SELENON: variants seen among roughly 807,000 people sequenced by gnomAD.
SELENON encodes the protein selenoprotein N, 1.
In SELENON, 44 loss-of-function variants were observed where a neutral mutation model predicts 59.5. The ratio of observed to expected loss-of-function variants is 0.74; its 90% CI spans 0.58 to 0.95. The LOEUF (loss-of-function observed/expected upper bound fraction) is 0.95. Among genes scored for constraint, SELENON ranks in the 40% least tolerant of loss-of-function variants. SELENON has a pLI of 0.00. For synonymous variants in SELENON, 320 were observed against 305.6 expected, an observed-to-expected ratio of 1.05 and a Z score of -0.49; for missense variants, 674 against 721.4, an observed-to-expected ratio of 0.93 and a Z score of 0.75.
chr1:25,814,214 C>T, intron 12 of SELENON, 36 bp downstream of exon 11: 1 of 1,568,136 alleles, frequency 6.4e-7, no homozygotes, highest in South Asian at 1.1e-5. Context: ...AGGGCCCAGG[C>T]ACCTCGGGGC....
At chr1:25,813,698 C>A in intron 10 of SELENON, 183 bp from the exon 10 acceptor site, 1 of 656,122 alleles carries the variant, frequency 1.5e-6, no homozygotes, top group Non-Finnish European at 2.8e-6. Context: ...GCCCAGGATG[C>A]TGGTATATTA....
chr1:25,811,225 C>T (rs1310426789), intron 7 of SELENON, among the ~76,000 whole-genome samples: 1 of 152,212 alleles, frequency 6.6e-6, no homozygotes, highest in Non-Finnish European at 1.5e-5. Context: ...AGGGGCAGGG[C>T]TGGCGGATGG....
intron 3 of SELENON, among the ~76,000 whole-genome samples, chr1:25,803,269 C>T (rs2047875573): frequency 6.6e-6 from 1 of 152,176 alleles, no homozygotes; most frequent in South Asian, 2.1e-4. Flanking sequence ...GCTTGAGGTG[C>T]ACTTTTAATT....
At chr1:25,810,967 C>A (rs2047954163) in intron 7 of SELENON, among the ~76,000 whole-genome samples, 1 of 152,182 alleles carries the variant, frequency 6.6e-6, no homozygotes, top group African/African-American at 2.4e-5. Flanking sequence ...CTAGCTCTGC[C>A]CTCTGTGCCC....
rs184722957 is a variant in SELENON at position 25,816,847 on chromosome 1, C to T, written c.*1129C>T. ...CCATGATGGCTGAATCCGAAATCCT[C>T]GATGGGTCCAGCTTGATGTCTTTGC... is the stretch of plus-strand genomic sequence containing the variant. On this transcript the variant is annotated 3_prime_UTR_variant, in exon 13 of 13. Coordinates refer to ENST00000361547, the MANE Select transcript of SELENON (RefSeq NM_020451.3). The T allele has an allele frequency of 2.6e-5, 4 of 152,804 alleles. No individual in the cohort carries two copies. Among genetic ancestry groups the T allele is most frequent in the South Asian group, 2.1e-4 (1 of 4,828 alleles). The allele number at this position is 152,804 out of a possible 1,614,324, so 9.5% of individuals were successfully genotyped here.
At chr1:25,801,977 T>C (rs748706743) in intron 2 of SELENON, 2 of 245,230 alleles carry the variant, frequency 8.2e-6, no homozygotes, top group South Asian at 3.8e-5. Flanking sequence ...AGATTTCCAA[T>C]AGACAGCAGC....
At position 25,814,147 on chromosome 1, in the gene SELENON, A is replaced by C; in HGVS notation, c.1571A>C (p.Glu524Ala). The C allele has an allele frequency of 6.2e-7, 1 of 1,614,164 alleles. No homozygotes were observed. The highest frequency in any genetic ancestry group is 8.5e-7 in the Non-Finnish European group (1 of 1,180,004). Residue 524 changes from glutamate (E) to alanine (A), a missense_variant, in exon 12 of 13, where the codon GAG (glutamate) becomes GCG (alanine). Coordinates refer to ENST00000361547, the MANE Select transcript of SELENON (RefSeq NM_020451.3). ...CTGGAGAAGTACAGCTTCCCCGTGG[A>C]GATGATGATCTGCCTGCCCAATGGC...
intron 11 of SELENON, 33 bp from the exon 11 acceptor site, chr1:25,814,044 C>A (rs369112047): frequency 1.2e-6 from 2 of 1,609,194 alleles, no homozygotes; most frequent in Non-Finnish European, 1.7e-6. Flanking sequence ...TGGTGGGGGC[C>A]GCGGCATCAG....
At chr1:25,806,383 T>C (rs923708238) in intron 4 of SELENON, among the ~76,000 whole-genome samples, 1 of 152,044 alleles carries the variant, frequency 6.6e-6, no homozygotes, top group African/African-American at 2.4e-5. Context: ...ACGGGGCATG[T>C]GTAGAATGGG....
chr1:25,800,630 G>A (rs1037003722), intron 1 of SELENON, among the ~76,000 whole-genome samples: 1 of 152,038 alleles, frequency 6.6e-6, no homozygotes. Context: ...GCCAGTGTGG[G>A]GCTGGGACAG....
intron 4 of SELENON, 109 bp downstream of exon 3, chr1:25,805,384 GC>G (rs2047898459): frequency 6.8e-7 from 1 of 1,478,692 alleles, no homozygotes; most frequent in South Asian, 1.2e-5. Flanking sequence ...CTAGAGCCAG[GC>G]CCTGGAGGTC....
intron 2 of SELENON, 128 bp downstream of exon 2, chr1:25,801,288 C>G (rs2047859050): frequency 1.3e-6 from 1 of 762,780 alleles, no homozygotes; most frequent in African/African-American, 1.7e-5. Flanking sequence ...CCTCCCAGCT[C>G]TGACACTTTG....
At chr1:25,809,577 C>G in intron 6 of SELENON, 106 bp from the exon 6 acceptor site, 7 of 1,528,906 alleles carry the variant, frequency 4.6e-6, no homozygotes, top group Non-Finnish European at 6.3e-6. Context: ...CCATCCACCT[C>G]CACCCCCACA....
intron 1 of SELENON, 119 bp from the exon 2 acceptor site, chr1:25,800,924 C>T: frequency 2.4e-6 from 2 of 837,380 alleles, no homozygotes; most frequent in Non-Finnish European, 4.2e-6. Flanking sequence ...GACCGGGAGG[C>T]ACTGGGAGAG....
At position 25,814,169 on chromosome 1, in the gene SELENON, T is replaced by C; in HGVS notation, c.1593T>C (p.Asn531=). 5.6e-6 allele frequency: 9 copies of C among 1,613,656 alleles called. No homozygotes were observed. The highest frequency in any genetic ancestry group is 7.6e-6 in the Non-Finnish European group (9 of 1,179,732). ...TGGAGATGATGATCTGCCTGCCCAA[T>C]GGCACCGTGGTAGGCACCCCCACTC... Residue 531 remains asparagine (N), a synonymous_variant, in exon 12 of 13, where the codon AAT becomes AAC. Transcript: ENST00000361547.
chr1:25,812,599 ACACACACTTG>A, intron 9 of SELENON, 78 bp from the exon 9 acceptor site: 1 of 833,816 alleles, frequency 1.2e-6, no homozygotes, highest in Non-Finnish European at 1.9e-6. Context: ...ACACACACAC[ACACACACTTG>A]CACACACTAC....
intron 1 of SELENON, among the ~76,000 whole-genome samples, 175 bp from the exon 2 acceptor site, chr1:25,800,868 G>A (rs1399776395): frequency 1.3e-5 from 2 of 152,018 alleles, no homozygotes; most frequent in African/African-American, 2.4e-5. Flanking sequence ...GGACCAGGAG[G>A]GACTGGAGGC....
At chr1:25,802,201 GCTGGTCTCAAATTC>G (rs1364969245) in intron 3 of SELENON, 1 of 169,686 alleles carries the variant, frequency 5.9e-6, no homozygotes, top group Non-Finnish European at 1.3e-5. Flanking sequence ...CGTTGCCTAG[GCTGGTCTCAAATTC>G]CTGGGCTCAA....
Position 25,814,177 on chromosome 1 carries a change from T to C in SELENON, c.1601T>C (p.Val534Ala). ...ATGATCTGCCTGCCCAATGGCACCG[T>C]GGTAGGCACCCCCACTCAGACCCCA... is the stretch of plus-strand genomic sequence containing the variant. The change falls in exon 12 of 13, where the codon GTG becomes GCG. Residue 534 changes from valine to alanine, a missense_variant and splice_region_variant. Coordinates refer to ENST00000361547, the MANE Select transcript of SELENON (RefSeq NM_020451.3). The C allele has an allele frequency of 6.2e-7, 1 of 1,613,182 alleles. No individual in the cohort carries two copies. Among genetic ancestry groups the C allele is most frequent in the Non-Finnish European group, 8.5e-7 (1 of 1,179,444 alleles).
Sources: allele counts gnomAD v4.1 joint callset (sites outside exome capture counted in the v4.1 genomes callset), GRCh38; gene constraint gnomAD v4.1.1; transcripts MANE v1.5; gene names NCBI Gene and HGNC (gene_info 2026-07-23, HGNC 2026-07-21).